Variants in VANGL2 observed in about 807,000 individuals in gnomAD.
VANGL2 encodes the protein vang-like protein 2.
Under a neutral mutation model 50.2 loss-of-function variants are expected in VANGL2, and 14 were observed. The ratio of observed to expected loss-of-function variants is 0.28; its 90% CI spans 0.18 to 0.44. VANGL2 has a LOEUF of 0.44. VANGL2 is among the 20% of genes least tolerant of loss of function. VANGL2 has a pLI of 1.00. For synonymous variants in VANGL2, 295 were observed against 297.2 expected (o/e 0.99, Z 0.08); for missense variants, 533 against 701.5 (o/e 0.76, Z 2.71).
In VANGL2 at chr1:160,419,132, G is replaced by T; in HGVS notation, c.323G>T (p.Gly108Val). Residue 108 changes from glycine to valine, a missense_variant, in exon 4 of 8, where the codon GGT becomes GTT. Coordinates refer to ENST00000368061, the MANE Select transcript of VANGL2 (RefSeq NM_020335.3). This position sits in a 1 kb window ranked among gnomAD's most constrained non-coding sequence, Gnocchi z 5.8. Reference protein sequence around the residue: ...SVPLDCSRHLGVAAGATLALL... With the variant: ...SVPLDCSRHLVVAAGATLALL... The stretch of plus-strand genomic sequence containing the variant: ...CCTCTGGACTGCTCCCGTCACCTGG[G>T]TGTGGCAGCGGGGGCCACCCTGGCA... The T allele has an allele frequency of 6.2e-7, 1 of 1,614,194 alleles. No homozygotes were observed. The highest frequency in any genetic ancestry group is 8.5e-7 in the Non-Finnish European group (1 of 1,180,028).
rs745692149 is a variant in VANGL2 at position 160,421,211 on chromosome 1, A to C, written c.1073+24A>C. 1.9e-4 allele frequency: 309 copies of C among 1,611,868 alleles called. No homozygotes were observed. The highest frequency in any genetic ancestry group is 2.3e-4 in the Non-Finnish European group (273 of 1,179,898). On this transcript the variant is annotated intron_variant, in intron 6 of 7. Coordinates refer to ENST00000368061, the MANE Select transcript of VANGL2 (RefSeq NM_020335.3). ...AGGTGGGTCCCTGGGGGAGAAGAGGAGAGGAGGTGCTTGTTGGGTGAATGG... is the reference window on the plus strand; with the variant it reads ...AGGTGGGTCCCTGGGGGAGAAGAGGCGAGGAGGTGCTTGTTGGGTGAATGG...
At chr1:160,409,326 C>G (rs1420508407) in intron 1 of VANGL2, among the ~76,000 whole-genome samples, 2 of 152,228 alleles carry the variant, frequency 1.3e-5, no homozygotes, top group South Asian at 2.1e-4. Flanking sequence ...CACCTTCTCT[C>G]TCTGGGTCCC....
chr1:160,418,931 T>C, intron 3 of VANGL2, 71 bp from the exon 4 acceptor site: 1 of 1,539,930 alleles, frequency 6.5e-7, no homozygotes, highest in South Asian at 1.3e-5. Flanking sequence ...TCACCCTTTC[T>C]CCTGTTTCCC....
chr1:160,419,330 C>T lies in VANGL2; in HGVS notation c.521C>T (p.Ser174Leu), dbSNP rs758501785. Residue 174 changes from serine to leucine, a missense_variant, in exon 4 of 8, where the codon TCG (serine) becomes TTG (leucine). Coordinates refer to ENST00000368061, the MANE Select transcript of VANGL2 (RefSeq NM_020335.3). This position sits in a 1 kb window ranked among gnomAD's most constrained non-coding sequence, Gnocchi z 5.8. ...CTGTTCTTCCGCCGGCCCAAGGCCT[C>T]GCTGCCCCGCGTCTTTGTGCTGCGT... is the stretch of plus-strand genomic sequence containing the variant. ...WALFFRRPKA[S>L]LPRVFVLRAL... 6.2e-6 allele frequency: 10 copies of T among 1,609,992 alleles called. No individual in the cohort carries two copies. The highest frequency in any genetic ancestry group is 1.1e-5 in the South Asian group (1 of 91,086).
intron 3 of VANGL2, among the ~76,000 whole-genome samples, chr1:160,417,537 C>T (rs937929715): frequency 6.6e-5 from 10 of 152,224 alleles, no homozygotes; most frequent in African/African-American, 1.7e-4. Flanking sequence ...GCAGAGGTGG[C>T]CTTGCAGACC....
At chr1:160,424,010 A>G in intron 6 of VANGL2, 42 bp from the exon 7 acceptor site, 1 of 1,607,446 alleles carries the variant, frequency 6.2e-7, no homozygotes, top group Non-Finnish European at 8.5e-7. Flanking sequence ...GGGTGGGGGA[A>G]AGAGAGGTGG....
intron 5 of VANGL2, 44 bp downstream of exon 5, chr1:160,420,591 C>T: frequency 6.2e-7 from 1 of 1,613,790 alleles, no homozygotes; most frequent in Non-Finnish European, 8.5e-7. Context: ...TCTTCCCAAG[C>T]AGGACTCCAA....
At chr1:160,413,486 A>G (rs1650950722) in intron 1 of VANGL2, among the ~76,000 whole-genome samples, 1 of 150,076 alleles carries the variant, frequency 6.7e-6, no homozygotes, top group East Asian at 2.0e-4. Flanking sequence ...CTGGTCTTGA[A>G]CTCCTGACCT....
intron 3 of VANGL2, 148 bp downstream of exon 3, chr1:160,416,330 G>A (rs1022021521): frequency 1.0e-5 from 14 of 1,356,980 alleles, no homozygotes; most frequent in Non-Finnish European, 1.3e-5. Flanking sequence ...CACTTAGCTT[G>A]GCTTAGTGTC....
chr1:160,420,275 G>A, intron 4 of VANGL2, 136 bp from the exon 5 acceptor site: 1 of 1,185,798 alleles, frequency 8.4e-7, no homozygotes, highest in Non-Finnish European at 1.2e-6. Context: ...CTCAGGCCCG[G>A]AGTCAGGCTT....
intron 6 of VANGL2, among the ~76,000 whole-genome samples, chr1:160,421,403 C>A (rs918971864): frequency 2.6e-5 from 4 of 152,190 alleles, no homozygotes; most frequent in African/African-American, 9.7e-5. Flanking sequence ...GGGTCAGGTG[C>A]AGGCTGGCTG....
intron 1 of VANGL2, among the ~76,000 whole-genome samples, chr1:160,405,514 A>G: frequency 6.6e-6 from 1 of 152,116 alleles, no homozygotes. Context: ...GCTTTGTCGG[A>G]TGCCCCTGGC....
At chr1:160,424,732 T>G (rs1173319548) in intron 7 of VANGL2, among the ~76,000 whole-genome samples, 1 of 152,156 alleles carries the variant, frequency 6.6e-6, no homozygotes, top group Admixed American at 6.5e-5. Flanking sequence ...CACTTTAACC[T>G]TGACACCTTT....
intron 1 of VANGL2, among the ~76,000 whole-genome samples, chr1:160,415,250 G>A (rs998054359): frequency 4.6e-5 from 7 of 152,332 alleles, no homozygotes; most frequent in African/African-American, 1.7e-4. Flanking sequence ...GCTCCTTTCT[G>A]CTCTCTGAGG....
chr1:160,424,416 A>G, intron 7 of VANGL2, 133 bp downstream of exon 7: 4 of 932,596 alleles, frequency 4.3e-6, no homozygotes, highest in Non-Finnish European at 6.8e-6. Context: ...CCTCCTTTTT[A>G]TAATCTTCTC....
intron 1 of VANGL2, among the ~76,000 whole-genome samples, chr1:160,404,080 A>T (rs1311947764): frequency 6.6e-6 from 1 of 152,194 alleles, no homozygotes; most frequent in Admixed American, 6.5e-5. Context: ...GATGGTTCGG[A>T]TTCTGAGGGA....
At position 160,415,830 on chromosome 1, in the gene VANGL2, C is replaced by G. The variant is rs371746772; in HGVS notation, c.-8C>G. 1 of 1,612,396 alleles carries G rather than the reference C, an allele frequency of 6.2e-7. No homozygotes were observed. Among genetic ancestry groups the G allele is most frequent in the African/African-American group, 1.3e-5 (1 of 74,936 alleles). On this transcript the variant is annotated 5_prime_UTR_variant, in exon 2 of 8. Coordinates refer to ENST00000368061, the MANE Select transcript of VANGL2 (RefSeq NM_020335.3). ...CTGGAGCGCTACAAGGCGCGGCGTT[C>G]AGACGCCATGGACACCGAGTCCCAG... is the stretch of plus-strand genomic sequence containing the variant.
chr1:160,419,922 G>A lies in VANGL2; in HGVS notation c.800+313G>A, dbSNP rs934341709. On this transcript the variant is annotated intron_variant, in intron 4 of 7. Coordinates refer to ENST00000368061, the MANE Select transcript of VANGL2 (RefSeq NM_020335.3). This position sits in a 1 kb window ranked among gnomAD's most constrained non-coding sequence, Gnocchi z 5.8. ...AATATGGGGGGGTGCACAAACAGGGGCTTTTTGGAATCCCTTTTCTAGTCC... is the reference window on the plus strand; with the variant it reads ...AATATGGGGGGGTGCACAAACAGGGACTTTTTGGAATCCCTTTTCTAGTCC... Among the ~76,000 whole-genome samples the A allele has an allele frequency of 2.0e-5, 3 of 152,130 alleles. 1 individual carries two copies. The South Asian group carries it at 6.2e-4, about 32-fold the overall frequency.
chr1:160,408,455 G>A (rs1181253258), intron 1 of VANGL2, among the ~76,000 whole-genome samples: 1 of 152,162 alleles, frequency 6.6e-6, no homozygotes, highest in Non-Finnish European at 1.5e-5. Flanking sequence ...ATCCTGGCCA[G>A]GAGCCCAGTC....
Sources: gnomAD v4.1 joint callset for allele counts (sites outside exome capture counted in the v4.1 genomes callset) on GRCh38, gnomAD v4.1.1 for gene constraint, Gnocchi (gnomAD v3.1) non-coding constraint, MANE v1.5 for transcripts, NCBI Gene and HGNC (gene_info 2026-07-23, HGNC 2026-07-21) for gene names.